MTUS2: variants seen among roughly 807,000 people sequenced by gnomAD.
MTUS2 encodes microtubule-associated tumor suppressor candidate 2.
MTUS2 carries 40 observed loss-of-function variants against 114.1 expected under a neutral mutation model. The ratio of observed to expected loss-of-function variants is 0.35; its 90% CI spans 0.27 to 0.46. The LOEUF (loss-of-function observed/expected upper bound fraction) is 0.46. Ranked by LOEUF, MTUS2 falls within the 20% of genes least tolerant of loss-of-function variation. MTUS2 has a pLI of 1.00. For synonymous variants in MTUS2, 688 were observed against 672.0 expected (o/e 1.02, Z -0.37); for missense variants, 1,679 against 1,705.4 (o/e 0.98, Z 0.27).
chr13:28,925,020 G>T (rs570959512), intron 2 of MTUS2, among the ~76,000 whole-genome samples: 2 of 152,090 alleles, frequency 1.3e-5, no homozygotes, highest in South Asian at 2.1e-4. Flanking sequence ...AATTGCAAAA[G>T]AAATAATTTA....
intron 4 of MTUS2, among the ~76,000 whole-genome samples, chr13:29,087,267 A>G (rs1223812326): frequency 2.0e-5 from 3 of 151,982 alleles, no homozygotes; most frequent in Non-Finnish European, 1.5e-5. Context: ...TTAGTTTGAG[A>G]TATGTTCCTT....
intron 8 of MTUS2, among the ~76,000 whole-genome samples, chr13:29,394,553 C>G (rs149193950): frequency 7.4e-4 from 112 of 152,310 alleles, no homozygotes; most frequent in Admixed American, 4.7e-3. Flanking sequence ...GTAAATGTCT[C>G]TTATCAGATC....
rs557805662 is a variant in MTUS2 at position 29,428,670 on chromosome 13, T to A, written c.3118-11313T>A. The A allele has an allele frequency of 1.5e-5, 17 of 1,160,958 alleles. No individual in the cohort carries two copies. The South Asian group carries it at 2.6e-4, about 18-fold the overall frequency. 71.9% of individuals were successfully genotyped at this position (1,160,958 alleles called of 1,614,324 possible). On this transcript the variant is annotated intron_variant, in intron 8 of 15. Coordinates refer to ENST00000612955, the MANE Select transcript of MTUS2 (RefSeq NM_001033602.4). ...CCTGCTCTCCTCCTCCTCTCATTCCTCTGCCTCCTGGATTCCTGAAGTTTA... is the reference window on the plus strand; with the variant it reads ...CCTGCTCTCCTCCTCCTCTCATTCCACTGCCTCCTGGATTCCTGAAGTTTA...
In MTUS2 at chr13:29,505,327, T is replaced by C. The variant is rs1883161602; in HGVS notation, c.*2121T>C. 1 of 231,846 alleles carries C rather than the reference T, an allele frequency of 4.3e-6. No homozygotes were observed. The highest frequency in any genetic ancestry group is 2.2e-5 in the African/African-American group (1 of 45,250). The allele number at this position is 231,846 out of a possible 1,614,324, so 14.4% of individuals were successfully genotyped here. A position where few individuals can be genotyped will look rare whatever the true frequency, so the allele number is the denominator to read the frequency against. On this transcript the variant is annotated 3_prime_UTR_variant, in exon 16 of 16. Coordinates refer to ENST00000612955, the MANE Select transcript of MTUS2 (RefSeq NM_001033602.4). ...AACGTGGTACAGTGTATTAGGCTGC[T>C]GTGGTCAGAGTTGTAGCATCGTTAG...
At chr13:29,430,868 A>G (rs980177344) in intron 8 of MTUS2, among the ~76,000 whole-genome samples, 4 of 152,192 alleles carry the variant, frequency 2.6e-5, no homozygotes, top group African/African-American at 9.6e-5. Flanking sequence ...AAGTTCTTCA[A>G]TCTGTTAATC....
At chr13:28,899,356 AGGT>A (rs994226186) in intron 2 of MTUS2, among the ~76,000 whole-genome samples, 45 of 152,346 alleles carry the variant, frequency 3.0e-4, no homozygotes, top group Admixed American at 2.7e-3. Flanking sequence ...TTTTGGCCAA[AGGT>A]GGCCAGCTGT....
chr13:29,167,920 G>A (rs1893386639), intron 5 of MTUS2, among the ~76,000 whole-genome samples: 1 of 152,108 alleles, frequency 6.6e-6, no homozygotes, highest in Non-Finnish European at 1.5e-5. Context: ...GAAATAAATA[G>A]GAGTACATGA....
intron 1 of MTUS2, among the ~76,000 whole-genome samples, chr13:28,833,954 C>A (rs1874886959): frequency 6.6e-6 from 1 of 151,944 alleles, no homozygotes; most frequent in Admixed American, 6.6e-5. Flanking sequence ...TATTTAGGAA[C>A]AAATTTAACA....
chr13:29,110,392 A>G (rs554384908), intron 5 of MTUS2, among the ~76,000 whole-genome samples: 13 of 152,326 alleles, frequency 8.5e-5, no homozygotes, highest in Admixed American at 2.0e-4. Flanking sequence ...TCTCAACCCA[A>G]TTTGGGTGGG....
At chr13:28,874,895 G>A (rs1183819431) in intron 2 of MTUS2, among the ~76,000 whole-genome samples, 1 of 152,158 alleles carries the variant, frequency 6.6e-6, no homozygotes, top group Non-Finnish European at 1.5e-5. Context: ...CCTCTAAGAG[G>A]TCTTGATTTG....
At chr13:29,084,358 C>T (rs1233244383) in intron 4 of MTUS2, among the ~76,000 whole-genome samples, 1 of 151,122 alleles carries the variant, frequency 6.6e-6, no homozygotes, top group Non-Finnish European at 1.5e-5. Context: ...TCCCTCCACC[C>T]TCCTTAAAAA....
intron 5 of MTUS2, among the ~76,000 whole-genome samples, chr13:29,119,185 G>A (rs865790994): frequency 6.6e-6 from 1 of 152,038 alleles, no homozygotes; most frequent in South Asian, 2.1e-4. Context: ...AACTCTTATG[G>A]TAGTGCTAAC....
At chr13:29,371,984 CCCCACACA>C (rs1345503863) in intron 8 of MTUS2, among the ~76,000 whole-genome samples, 1 of 96,858 alleles carries the variant, frequency 1.0e-5, no homozygotes, top group East Asian at 3.5e-4. Flanking sequence ...CCGCCCCCCC[CCCCACACA>C]CACACACAAG....
At chr13:29,461,539 A>G (rs1211645045) in intron 9 of MTUS2, among the ~76,000 whole-genome samples, 1 of 152,244 alleles carries the variant, frequency 6.6e-6, no homozygotes, top group Admixed American at 6.5e-5. Flanking sequence ...TTCAACAGAA[A>G]GCAGTTGGAA....
intron 5 of MTUS2, among the ~76,000 whole-genome samples, chr13:29,276,614 G>C (rs537637754): frequency 6.6e-6 from 1 of 152,190 alleles, no homozygotes; most frequent in South Asian, 2.1e-4. Flanking sequence ...AATAGTATAG[G>C]GGGCTGGGCA....
At chr13:29,340,472 T>C (rs1901336548) in intron 7 of MTUS2, among the ~76,000 whole-genome samples, 1 of 152,194 alleles carries the variant, frequency 6.6e-6, no homozygotes, top group Non-Finnish European at 1.5e-5. Context: ...TCTTCTAGGA[T>C]GGATGTTAAT....
chr13:29,020,393 G>T (rs1046541552), intron 2 of MTUS2, among the ~76,000 whole-genome samples: 1 of 152,036 alleles, frequency 6.6e-6, no homozygotes, highest in Non-Finnish European at 1.5e-5. Flanking sequence ...TATATATTCT[G>T]TGAAAACGTT....
At chr13:28,869,728 G>A (rs529384047) in intron 2 of MTUS2, among the ~76,000 whole-genome samples, 6 of 152,228 alleles carry the variant, frequency 3.9e-5, no homozygotes, top group Admixed American at 6.5e-5. Flanking sequence ...CTGAGATCAC[G>A]CCGTTGCACA....
chr13:29,107,710 G>T (rs1890725931), intron 5 of MTUS2, among the ~76,000 whole-genome samples: 1 of 152,094 alleles, frequency 6.6e-6, no homozygotes, highest in Non-Finnish European at 1.5e-5. Flanking sequence ...TGTTTTTAAA[G>T]AATTGGGCTA....
Sources: allele counts gnomAD v4.1 joint callset (sites outside exome capture counted in the v4.1 genomes callset), GRCh38; gene constraint gnomAD v4.1.1; transcripts MANE v1.5; gene names NCBI Gene and HGNC (gene_info 2026-07-23, HGNC 2026-07-21).